ADAM23: variants seen among roughly 807,000 people sequenced by gnomAD.
ADAM23 encodes disintegrin and metalloproteinase domain-containing protein 23.
A neutral mutation model predicts 120.1 loss-of-function variants in ADAM23; 33 were observed. That is an observed-to-expected ratio of 0.27 (90% CI 0.21 to 0.37). The LOEUF (loss-of-function observed/expected upper bound fraction) is 0.37, where lower values mean the gene tolerates loss of function less well. ADAM23 is among the 10% of genes least tolerant of loss of function. The pLI is 1.00. For synonymous variants in ADAM23, 367 were observed against 375.2 expected (o/e 0.98, Z 0.25); for missense variants, 862 against 1,058.2 (o/e 0.81, Z 2.57).
intron 2 of ADAM23, among the ~76,000 whole-genome samples, chr2:206,476,592 G>A (rs1040122556): frequency 2.6e-5 from 4 of 152,156 alleles, no homozygotes; most frequent in African/African-American, 9.7e-5. Context: ...ATGATCTGAA[G>A]TGGAACAGTT....
intron 18 of ADAM23, among the ~76,000 whole-genome samples, chr2:206,584,474 G>C (rs970027258): frequency 1.3e-5 from 2 of 152,084 alleles, no homozygotes; most frequent in South Asian, 4.1e-4. Context: ...GTTTGTGTGG[G>C]AGCTGGGTGA....
intron 18 of ADAM23, among the ~76,000 whole-genome samples, chr2:206,581,919 C>A (rs1698225438): frequency 1.3e-5 from 2 of 152,026 alleles, no homozygotes; most frequent in Admixed American, 1.3e-4. Flanking sequence ...CTCTTGTTGC[C>A]CAGGCTGGAG....
intron 6 of ADAM23, 103 bp downstream of exon 6, chr2:206,543,419 C>A: frequency 1.0e-6 from 1 of 974,068 alleles, no homozygotes; most frequent in South Asian, 1.5e-5. Flanking sequence ...TGCCTTTGTA[C>A]ATGTTAACTT....
At chr2:206,451,733 G>C (rs187621600) in intron 2 of ADAM23, among the ~76,000 whole-genome samples, 36 of 152,338 alleles carry the variant, frequency 2.4e-4, no homozygotes, top group Non-Finnish European at 1.3e-4. Context: ...GCTGAAGAGA[G>C]GTAGGGTGTA....
intron 2 of ADAM23, among the ~76,000 whole-genome samples, chr2:206,449,221 T>G (rs1395743510): frequency 6.6e-6 from 1 of 152,316 alleles, no homozygotes; most frequent in East Asian, 1.9e-4. Flanking sequence ...AAACATTGCT[T>G]TTTTCTTATA....
At chr2:206,570,129 T>G (rs1381561075) in intron 15 of ADAM23, among the ~76,000 whole-genome samples, 2 of 152,176 alleles carry the variant, frequency 1.3e-5, no homozygotes, top group African/African-American at 4.8e-5. Flanking sequence ...ATTCTAGAAA[T>G]TATACTCTTC....
At chr2:206,613,121 A>G (rs1327144462) in intron 25 of ADAM23, among the ~76,000 whole-genome samples, 2 of 151,988 alleles carry the variant, frequency 1.3e-5, no homozygotes, top group Admixed American at 6.6e-5. Context: ...GTGCAGTGGC[A>G]TGATCTCAGT....
At chr2:206,499,275 A>G (rs982503049) in intron 3 of ADAM23, among the ~76,000 whole-genome samples, 6 of 152,162 alleles carry the variant, frequency 3.9e-5, no homozygotes, top group Non-Finnish European at 8.8e-5. Flanking sequence ...GACTGGATTA[A>G]GAAAATGTGG....
At chr2:206,506,730 C>T (rs927524057) in intron 3 of ADAM23, among the ~76,000 whole-genome samples, 7 of 152,264 alleles carry the variant, frequency 4.6e-5, no homozygotes, top group African/African-American at 7.2e-5. Context: ...GGGTAAAGCC[C>T]GTCATGCTTA....
At chr2:206,470,473 T>G (rs1295357121) in intron 2 of ADAM23, among the ~76,000 whole-genome samples, 1 of 152,202 alleles carries the variant, frequency 6.6e-6, no homozygotes, top group African/African-American at 2.4e-5. Context: ...TTTCCAGAGC[T>G]CTGTGGAAGT....
At chr2:206,520,967 G>T (rs1696831040) in intron 3 of ADAM23, among the ~76,000 whole-genome samples, 1 of 151,842 alleles carries the variant, frequency 6.6e-6, no homozygotes, top group African/African-American at 2.4e-5. Context: ...GCCTTTTCCT[G>T]TTTCATGGAT....
intron 16 of ADAM23, among the ~76,000 whole-genome samples, 194 bp from the exon 17 acceptor site, chr2:206,571,533 T>C (rs1403822045): frequency 2.0e-5 from 3 of 152,160 alleles, no homozygotes; most frequent in Admixed American, 6.5e-5. Context: ...AGTCCTTTCA[T>C]AGAAGATCTT....
Position 206,571,809 on chromosome 2 carries a change from C to T in ADAM23, c.1649C>T (p.Ser550Leu). 6.2e-7 allele frequency: 1 copy of T among 1,613,194 alleles called. No homozygotes were observed. The highest frequency in any genetic ancestry group is 8.5e-7 in the Non-Finnish European group (1 of 1,179,138). Residue 550 changes from serine (S) to leucine (L), a missense_variant, in exon 17 of 26, where the codon TCA becomes TTA. This residue lies in a region of ADAM23 where 617 missense variants were observed against 813.5 expected (regional missense o/e 0.76). Coordinates refer to ENST00000264377, the MANE Select transcript of ADAM23 (RefSeq NM_003812.4). Reference sequence around the variant, plus strand: ...GACGGGCCCTGCTGTAACAATACCTCATGTCTTGTGAGTTTTCTGACAGTT... The same window carrying T: ...GACGGGCCCTGCTGTAACAATACCTTATGTCTTGTGAGTTTTCTGACAGTT... ...CSDGPCCNNT[S>L]CLFQPRGYEC...
chr2:206,548,768 C>G (rs893062884), intron 8 of ADAM23, among the ~76,000 whole-genome samples: 4 of 152,024 alleles, frequency 2.6e-5, no homozygotes, highest in Non-Finnish European at 4.4e-5. Flanking sequence ...GAAATGTTGG[C>G]TAATCATACA....
In ADAM23 at chr2:206,589,466, A is replaced by G; in HGVS notation, c.1910A>G (p.Lys637Arg). 4.3e-6 allele frequency: 7 copies of G among 1,613,948 alleles called. No individual in the cohort carries two copies. The highest frequency in any genetic ancestry group is 5.9e-6 in the Non-Finnish European group (7 of 1,179,914). Residue 637 changes from lysine (K) to arginine (R), a missense_variant, in exon 21 of 26, where the codon AAG becomes AGG. By Grantham distance (26) the Lys-to-Arg change is conservative. This residue lies in a region of ADAM23 where 617 missense variants were observed against 813.5 expected (regional missense o/e 0.76). Coordinates refer to ENST00000264377, the MANE Select transcript of ADAM23 (RefSeq NM_003812.4). ...YEKLNTEGTE[K>R]GNCGKDGDRW... ...AAGCTGAATACAGAAGGCACTGAGA[A>G]GGGAAACTGCGGGAAGGATGGAGAC...
intron 2 of ADAM23, among the ~76,000 whole-genome samples, chr2:206,467,089 C>A (rs999346557): frequency 6.6e-6 from 1 of 152,212 alleles, no homozygotes; most frequent in Non-Finnish European, 1.5e-5. Flanking sequence ...ACCTCCAACA[C>A]TGGGTATTAT....
chr2:206,455,145 G>A (rs1248236741), intron 2 of ADAM23, among the ~76,000 whole-genome samples: 1 of 152,254 alleles, frequency 6.6e-6, no homozygotes, highest in Non-Finnish European at 1.5e-5. Context: ...ATAGCCAGGT[G>A]TTTCGTACAT....
intron 2 of ADAM23, among the ~76,000 whole-genome samples, chr2:206,463,679 G>T (rs1424153408): frequency 6.6e-6 from 1 of 152,202 alleles, no homozygotes; most frequent in Non-Finnish European, 1.5e-5. Flanking sequence ...AGCTCAGGAG[G>T]ACTGTTGGTC....
intron 18 of ADAM23, among the ~76,000 whole-genome samples, chr2:206,586,690 A>G (rs1698328260): frequency 6.6e-6 from 1 of 152,188 alleles, no homozygotes; most frequent in South Asian, 2.1e-4. Context: ...AGTCAATAAA[A>G]TGTACAGAGA....
Sources: allele counts gnomAD v4.1 joint callset (sites outside exome capture counted in the v4.1 genomes callset), GRCh38; gene constraint gnomAD v4.1.1; regional missense constraint gnomAD v4.1.1; transcripts MANE v1.5; gene names NCBI Gene and HGNC (gene_info 2026-07-23, HGNC 2026-07-21).